Variants in TENM4 observed in about 807,000 individuals in gnomAD.
TENM4 encodes the protein teneurin-4.
In TENM4, 82 loss-of-function variants were observed where a neutral mutation model predicts 243.3. The observed-to-expected ratio is 0.34, with a 90% CI of 0.28 to 0.40. The LOEUF (loss-of-function observed/expected upper bound fraction) is 0.40, where lower values mean the gene tolerates loss of function less well. Among genes scored for constraint, TENM4 ranks in the 10% least tolerant of loss-of-function variants. The pLI is 1.00. For missense variants in TENM4, 3,138 were observed against 3,673.3 expected, an observed-to-expected ratio of 0.85 and a Z score of 3.77; for synonymous variants, 1,412 against 1,456.3, an observed-to-expected ratio of 0.97 and a Z score of 0.69.
chr11:78,776,830 A>C (rs1591015576), intron 17 of TENM4, among the ~76,000 whole-genome samples: 2 of 152,228 alleles, frequency 1.3e-5, no homozygotes, highest in East Asian at 3.9e-4. Context: ...TAAGGGTGCC[A>C]GTTTGGAAGA....
chr11:79,305,234 G>C (rs530435), intron 1 of TENM4, among the ~76,000 whole-genome samples: 79,673 of 152,112 alleles, frequency 0.52, 23,418 homozygotes, highest in East Asian at 0.78. Context: ...ACTCCTCTGA[G>C]CATCAGCTTC....
intron 4 of TENM4, among the ~76,000 whole-genome samples, chr11:79,075,589 G>A (rs536178120): frequency 1.5e-4 from 23 of 152,316 alleles, no homozygotes; most frequent in African/African-American, 5.3e-4. Context: ...AGGCAGGTGA[G>A]AATGTTTTGG....
chr11:79,431,947 T>C (rs750886870), intron 1 of TENM4, among the ~76,000 whole-genome samples: 1 of 152,196 alleles, frequency 6.6e-6, no homozygotes, highest in Non-Finnish European at 1.5e-5. Flanking sequence ...TAATCGAATG[T>C]CTTACAATGA....
At position 78,753,714 on chromosome 11, in the gene TENM4, T is replaced by G. The variant is rs559024985; in HGVS notation, c.2756+3091A>C. 8.8e-3 allele frequency among the ~76,000 whole-genome samples: 1,242 copies of G among 141,798 alleles called. 24 individuals are homozygous for G. The highest frequency in any genetic ancestry group is 0.031 in the African/African-American group (1,189 of 38,774). 93.0% of individuals were successfully genotyped at this position (141,798 alleles called of 152,430 possible). ...AGGTAAAAGGAATTTTTACAGTAAC[T>G]TTTTTTTTTTTTTTAAAGAGACAGT... On this transcript the variant is annotated intron_variant, in intron 19 of 33. Transcript: ENST00000278550.
chr11:79,001,365 G>A (rs1858321510), intron 6 of TENM4, among the ~76,000 whole-genome samples: 1 of 152,092 alleles, frequency 6.6e-6, no homozygotes, highest in South Asian at 2.1e-4. Flanking sequence ...AACCCTGCAT[G>A]GGGCTACTGA....
At chr11:79,063,536 C>T (rs1483641506) in intron 6 of TENM4, among the ~76,000 whole-genome samples, 1 of 152,174 alleles carries the variant, frequency 6.6e-6, no homozygotes, top group East Asian at 1.9e-4. Flanking sequence ...TTCCTGGGCT[C>T]TGCCACTCTT....
chr11:78,695,675 T>C (rs1858942850), intron 28 of TENM4, among the ~76,000 whole-genome samples: 1 of 143,024 alleles, frequency 7.0e-6, no homozygotes, highest in Non-Finnish European at 1.5e-5. Flanking sequence ...GGACAGTTTT[T>C]CTTTTTTTTT....
At chr11:78,883,358 G>A (rs1302452714) in intron 9 of TENM4, among the ~76,000 whole-genome samples, 1 of 152,116 alleles carries the variant, frequency 6.6e-6, no homozygotes, top group Non-Finnish European at 1.5e-5. Context: ...GGATCAAATG[G>A]CTAAACAGCT....
intron 1 of TENM4, among the ~76,000 whole-genome samples, chr11:79,330,762 A>G (rs1387587020): frequency 6.6e-6 from 1 of 152,198 alleles, no homozygotes; most frequent in Non-Finnish European, 1.5e-5. Context: ...GCCATTAAGC[A>G]ATGTGCCCAA....
chr11:79,168,049 G>C (rs1862955640), intron 3 of TENM4, among the ~76,000 whole-genome samples: 1 of 152,212 alleles, frequency 6.6e-6, no homozygotes, highest in African/African-American at 2.4e-5. Context: ...TGGGGCCATG[G>C]TTAGATCATT....
At chr11:78,738,908 T>A (rs931639215) in intron 19 of TENM4, among the ~76,000 whole-genome samples, 2 of 152,138 alleles carry the variant, frequency 1.3e-5, no homozygotes, top group Non-Finnish European at 2.9e-5. Flanking sequence ...TGTAGTTCAA[T>A]GATCTGGGGT....
chr11:79,030,690 A>G (rs915835107), intron 6 of TENM4, among the ~76,000 whole-genome samples: 5 of 152,152 alleles, frequency 3.3e-5, no homozygotes, highest in South Asian at 2.1e-4. Context: ...ATCCTTCCAC[A>G]ATCCCCAGGA....
chr11:78,757,095 C>G (rs1465091885), intron 18 of TENM4, 74 bp from the exon 19 acceptor site: 1 of 1,419,292 alleles, frequency 7.0e-7, no homozygotes, highest in Admixed American at 2.3e-5. Context: ...TGCCTTAATT[C>G]ATTTCTTCTC....
chr11:78,940,734 TG>T lies in TENM4; in HGVS notation c.494-37212del, dbSNP rs576229454. Among the ~76,000 whole-genome samples the T allele has an allele frequency of 4.2e-3, 635 of 152,288 alleles. 7 individuals carry two copies. The highest frequency in any genetic ancestry group is 3.9e-3 in the Non-Finnish European group (264 of 68,016). Reference sequence around the variant, plus strand: ...TGAGCCCCACTGGCTTGGATATGCTTGGGCAGGTCACCCTGGGGATGCCATG... The same window carrying T: ...TGAGCCCCACTGGCTTGGATATGCTTGGCAGGTCACCCTGGGGATGCCATG... On this transcript the variant is annotated intron_variant, in intron 6 of 33. Coordinates refer to ENST00000278550, the MANE Select transcript of TENM4 (RefSeq NM_001098816.3).
intron 3 of TENM4, among the ~76,000 whole-genome samples, chr11:79,174,150 T>G (rs1435381264): frequency 3.3e-5 from 5 of 152,184 alleles, no homozygotes; most frequent in Admixed American, 3.3e-4. Flanking sequence ...AAGATGTAAG[T>G]TACATAAGAC....
At chr11:79,326,510 C>A (rs946143259) in intron 1 of TENM4, among the ~76,000 whole-genome samples, 1 of 152,236 alleles carries the variant, frequency 6.6e-6, no homozygotes, top group African/African-American at 2.4e-5. Flanking sequence ...GCTCCTCACT[C>A]ATTTGTCTCT....
intron 6 of TENM4, among the ~76,000 whole-genome samples, chr11:79,051,649 T>A (rs1206029842): frequency 6.6e-6 from 1 of 152,188 alleles, no homozygotes; most frequent in Non-Finnish European, 1.5e-5. Context: ...AAAATGGGAA[T>A]AACAACCCCT....
chr11:79,069,591 T>G, intron 5 of TENM4, 131 bp downstream of exon 5: 3 of 1,249,074 alleles, frequency 2.4e-6, no homozygotes, highest in Non-Finnish European at 2.2e-6. Flanking sequence ...AACTTGCTGT[T>G]GATATGGCAC....
intron 6 of TENM4, among the ~76,000 whole-genome samples, chr11:78,991,631 A>C (rs1035818982): frequency 6.6e-6 from 1 of 152,158 alleles, no homozygotes; most frequent in Non-Finnish European, 1.5e-5. Context: ...GGTCTGTAGG[A>C]GGTTTCTAAA....
Sources: gnomAD v4.1 joint callset for allele counts (sites outside exome capture counted in the v4.1 genomes callset) on GRCh38, gnomAD v4.1.1 for gene constraint, MANE v1.5 for transcripts, NCBI Gene and HGNC (gene_info 2026-07-23, HGNC 2026-07-21) for gene names.